Variants in ROCK1 observed in about 807,000 individuals in gnomAD.
ROCK1 encodes the protein rho-associated protein kinase 1.
In ROCK1, 36 loss-of-function variants were observed where a neutral mutation model predicts 196.8. The observed-to-expected ratio is 0.18, with a 90% CI of 0.14 to 0.24. The LOEUF is 0.24. ROCK1 is among the 10% of genes least tolerant of loss of function. The pLI is 1.00. For synonymous variants in ROCK1, 443 were observed against 515.9 expected, an observed-to-expected ratio of 0.86 and a Z score of 1.91; for missense variants, 920 against 1,562.0, an observed-to-expected ratio of 0.59 and a Z score of 6.93.
Position 20,949,664 on chromosome 18 carries a change from G to T in ROCK1, c.*1720C>A. The T allele has an allele frequency of 6.6e-6, 1 of 152,412 alleles. No individual in the cohort carries two copies. The highest frequency in any genetic ancestry group is 1.5e-5 in the Non-Finnish European group (1 of 68,034). 9.4% of individuals were successfully genotyped at this position (152,412 alleles called of 1,614,324 possible). ...TGTAGAAATGCAAGAGACCCATGGA[G>T]AATTGTTTTCCAACACACTTTAGCC... On this transcript the variant is annotated 3_prime_UTR_variant, in exon 33 of 33. Coordinates refer to ENST00000399799, the MANE Select transcript of ROCK1 (RefSeq NM_005406.3).
chr18:21,010,829 T>A (rs1212516949), intron 13 of ROCK1, among the ~76,000 whole-genome samples: 1 of 152,214 alleles, frequency 6.6e-6, no homozygotes, highest in African/African-American at 2.4e-5. Context: ...TCCAGTCTTA[T>A]CAACTTTTGC....
At chr18:21,010,909 CTT>C (rs879452340) in intron 13 of ROCK1, among the ~76,000 whole-genome samples, 1 of 152,098 alleles carries the variant, frequency 6.6e-6, no homozygotes, top group Non-Finnish European at 1.5e-5. Flanking sequence ...TGGATTGACT[CTT>C]ATCATTATGT....
Position 20,948,895 on chromosome 18 carries a change from C to CA in ROCK1, c.*2488dup, listed in dbSNP as rs1443913836. 6.6e-6 allele frequency: 1 copy of CA among 151,016 alleles called. No individual in the cohort carries two copies. The highest frequency in any genetic ancestry group is 2.4e-5 in the African/African-American group (1 of 41,034). 9.4% of individuals were successfully genotyped at this position (151,016 alleles called of 1,614,324 possible). ...TTCTTAAGTGGCAAGAGGAATGGTA[C>CA]AAAACATCTAACTGGAGGTAGATTG... is the stretch of plus-strand genomic sequence containing the variant. On this transcript the variant is annotated 3_prime_UTR_variant, in exon 33 of 33. Transcript: ENST00000399799.
chr18:21,078,282 T>C (rs1332032561), intron 1 of ROCK1, among the ~76,000 whole-genome samples: 1 of 150,636 alleles, frequency 6.6e-6, no homozygotes, highest in Non-Finnish European at 1.5e-5. Context: ...TGAGCTGAGA[T>C]GGCACCACTG....
At chr18:20,990,883 C>A (rs1598519933) in intron 18 of ROCK1, among the ~76,000 whole-genome samples, 1 of 151,746 alleles carries the variant, frequency 6.6e-6, no homozygotes, top group Non-Finnish European at 1.5e-5. Context: ...GCCTCAGCCT[C>A]CCCAGTAGCT....
intron 18 of ROCK1, among the ~76,000 whole-genome samples, chr18:20,988,852 A>T (rs1250913272): frequency 6.6e-6 from 1 of 152,106 alleles, no homozygotes; most frequent in African/African-American, 2.4e-5. Context: ...ATCTGAATGT[A>T]ATCTCCGGGC....
chr18:21,086,568 T>C (rs1024427246), intron 1 of ROCK1, among the ~76,000 whole-genome samples: 3 of 152,064 alleles, frequency 2.0e-5, no homozygotes, highest in Admixed American at 2.0e-4. Flanking sequence ...TATCACTGGA[T>C]GCCCAGAAGA....
chr18:21,020,112 T>C, intron 12 of ROCK1, 39 bp downstream of exon 12: 2 of 1,251,424 alleles, frequency 1.6e-6, no homozygotes, highest in Non-Finnish European at 2.3e-6. Flanking sequence ...ATTTGGTATA[T>C]AAAACTTTTA....
chr18:21,005,025 C>T (rs1258364511), intron 16 of ROCK1, among the ~76,000 whole-genome samples: 1 of 152,160 alleles, frequency 6.6e-6, no homozygotes, highest in Non-Finnish European at 1.5e-5. Context: ...GTTCCCATCT[C>T]TAACTAAGGT....
chr18:20,992,482 C>G (rs1019931249), intron 17 of ROCK1, among the ~76,000 whole-genome samples: 57 of 152,208 alleles, frequency 3.7e-4, no homozygotes, highest in African/African-American at 1.3e-3. Context: ...ACGTACTGAT[C>G]TGTTGTTTTC....
intron 6 of ROCK1, 83 bp from the exon 7 acceptor site, chr18:21,042,792 T>C: frequency 7.6e-7 from 1 of 1,321,790 alleles, no homozygotes. Context: ...ATATTACCTA[T>C]GGGACTCCAA....
chr18:21,035,740 A>G (rs1228855255), intron 9 of ROCK1, among the ~76,000 whole-genome samples: 1 of 152,218 alleles, frequency 6.6e-6, no homozygotes, highest in Non-Finnish European at 1.5e-5. Flanking sequence ...TAGTATATCC[A>G]TACAATGGAA....
At chr18:20,999,395 A>G (rs1453681297) in intron 16 of ROCK1, among the ~76,000 whole-genome samples, 2 of 152,180 alleles carry the variant, frequency 1.3e-5, no homozygotes, top group Non-Finnish European at 2.9e-5. Flanking sequence ...CATTTATAAT[A>G]CAAATTTTAA....
intron 22 of ROCK1, among the ~76,000 whole-genome samples, chr18:20,977,266 CA>C (rs1325205323): frequency 6.6e-6 from 1 of 152,148 alleles, no homozygotes; most frequent in Non-Finnish European, 1.5e-5. Flanking sequence ...ATAGAAGAAA[CA>C]AAAGTCCCCA....
At chr18:21,011,965 A>G (rs1357107189) in intron 13 of ROCK1, among the ~76,000 whole-genome samples, 1 of 152,004 alleles carries the variant, frequency 6.6e-6, no homozygotes, top group Non-Finnish European at 1.5e-5. Context: ...TCTTTTGGAG[A>G]CAGAGTCTTG....
chr18:20,952,595 T>A (rs1422227222), intron 32 of ROCK1, among the ~76,000 whole-genome samples: 1 of 151,822 alleles, frequency 6.6e-6, no homozygotes, highest in African/African-American at 2.4e-5. Flanking sequence ...CTGGCCAACA[T>A]GATGAAACCC....
chr18:21,111,433 T>G lies in ROCK1; in HGVS notation c.-523A>C. 2 of 305,674 alleles carry G rather than the reference T, an allele frequency of 6.5e-6. No individual in the cohort carries two copies. The highest frequency in any genetic ancestry group is 6.0e-6 in the Non-Finnish European group (1 of 166,998). 18.9% of individuals were successfully genotyped at this position (305,674 alleles called of 1,614,324 possible). A position where few individuals can be genotyped will look rare whatever the true frequency, so the allele number is the denominator to read the frequency against. Reference sequence around the variant, plus strand: ...CCGCTCAGAGGCGCTGTAGACGGTCTAGCCCCGCGTCCCCGGCTCTACTCG... The same window carrying G: ...CCGCTCAGAGGCGCTGTAGACGGTCGAGCCCCGCGTCCCCGGCTCTACTCG... On this transcript the variant is annotated 5_prime_UTR_variant, in exon 1 of 33. Transcript: ENST00000399799. The surrounding 1 kb of genome is among the most constrained non-coding windows in gnomAD (Gnocchi z 4.2).
chr18:21,074,337 A>G (rs1253588035), intron 1 of ROCK1, among the ~76,000 whole-genome samples: 1 of 152,240 alleles, frequency 6.6e-6, no homozygotes, highest in African/African-American at 2.4e-5. Context: ...AATGCTGCCC[A>G]GGACATTTAT....
chr18:21,025,334 T>C (rs565724717), intron 10 of ROCK1, among the ~76,000 whole-genome samples: 1 of 152,360 alleles, frequency 6.6e-6, no homozygotes, highest in Non-Finnish European at 1.5e-5. Context: ...ATTAAAAGTA[T>C]ATCTGGATTT....
Sources: allele counts gnomAD v4.1 joint callset (sites outside exome capture counted in the v4.1 genomes callset), GRCh38; gene constraint gnomAD v4.1.1; non-coding constraint Gnocchi (gnomAD v3.1); transcripts MANE v1.5; gene names NCBI Gene and HGNC (gene_info 2026-07-23, HGNC 2026-07-21).